Variants in ARHGAP6 observed in about 807,000 individuals in gnomAD.
ARHGAP6 encodes Rho GTPase activating protein 6.
A neutral mutation model predicts 55.7 loss-of-function variants in ARHGAP6; 16 were observed. The ratio of observed to expected loss-of-function variants is 0.29; its 90% CI spans 0.19 to 0.44. The LOEUF (loss-of-function observed/expected upper bound fraction) is 0.44. Ranked by LOEUF, ARHGAP6 falls within the 20% of genes least tolerant of loss-of-function variation. The probability of loss-of-function intolerance (pLI) is 1.00; values close to 1 mark genes in which losing one functional copy is unlikely to be tolerated. For synonymous variants in ARHGAP6, 382 were observed against 360.9 expected, an observed-to-expected ratio of 1.06 and a Z score of -0.66; for missense variants, 698 against 808.9, an observed-to-expected ratio of 0.86 and a Z score of 1.66.
At chrX:11,576,010 T>C (rs1381549395) in intron 1 of ARHGAP6, among the ~76,000 whole-genome samples, 1 of 112,351 alleles carries the variant, frequency 8.9e-6, no homozygotes, top group African/African-American at 3.2e-5. Context: ...AATGCTGCAG[T>C]AAATTATCGT....
chrX:11,575,152 ATG>A (rs1466444089), intron 1 of ARHGAP6, among the ~76,000 whole-genome samples: 20 of 110,939 alleles, frequency 1.8e-4, no homozygotes, highest in Non-Finnish European at 1.5e-4. Context: ...GGCAGGAGTG[ATG>A]TGTGTCACTT....
At chrX:11,337,323 C>T (rs746134821) in intron 1 of ARHGAP6, among the ~76,000 whole-genome samples, 10 of 111,266 alleles carry the variant, frequency 9.0e-5, no homozygotes, top group African/African-American at 3.3e-4. Flanking sequence ...TTATTTGTTT[C>T]CTTATAATGT....
intron 1 of ARHGAP6, chrX:11,427,893 G>A (rs1222852315): frequency 1.7e-6 from 1 of 579,255 alleles, no homozygotes; most frequent in Non-Finnish European, 2.1e-6. Flanking sequence ...CGATGGGCGG[G>A]CGTTTAATTC....
intron 2 of ARHGAP6, among the ~76,000 whole-genome samples, chrX:11,211,481 T>C (rs1000313479): frequency 3.6e-4 from 40 of 111,135 alleles, no homozygotes; most frequent in African/African-American, 8.5e-4. Flanking sequence ...CCGCCCTCCT[T>C]GGCCTCCCAA....
intron 9 of ARHGAP6, among the ~76,000 whole-genome samples, chrX:11,164,594 C>T (rs1055437876): frequency 2.7e-5 from 3 of 111,824 alleles, no homozygotes; most frequent in Non-Finnish European, 5.6e-5. Context: ...GCCTCTGACC[C>T]TTGCTCCCAG....
intron 1 of ARHGAP6, among the ~76,000 whole-genome samples, chrX:11,511,962 G>T (rs1196856082): frequency 1.8e-5 from 2 of 111,071 alleles, no homozygotes; most frequent in African/African-American, 6.6e-5. Flanking sequence ...GAGTAGCTGG[G>T]ACTACAGGTG....
At chrX:11,254,054 C>A (rs1470141667) in intron 2 of ARHGAP6, among the ~76,000 whole-genome samples, 2 of 111,698 alleles carry the variant, frequency 1.8e-5, no homozygotes, top group African/African-American at 6.5e-5. Context: ...TGTGCACTGG[C>A]TCCAGTGCAA....
intron 1 of ARHGAP6, among the ~76,000 whole-genome samples, chrX:11,544,581 G>A (rs1279619559): frequency 8.9e-6 from 1 of 112,221 alleles, no homozygotes; most frequent in Admixed American, 9.4e-5. Flanking sequence ...CTTCATTTAT[G>A]TTTGTTGATG....
At chrX:11,402,870 T>G (rs2049566967) in intron 1 of ARHGAP6, among the ~76,000 whole-genome samples, 1 of 111,552 alleles carries the variant, frequency 9.0e-6, no homozygotes, top group African/African-American at 3.3e-5. Context: ...AAATCCTATT[T>G]ATGTAACTCC....
Position 11,169,534 on chromosome X carries a change from T to C in ARHGAP6, c.1780A>G (p.Met594Val). Residue 594 changes from methionine to valine, a missense_variant, in exon 9 of 13, where the codon ATG becomes GTG. By Grantham distance (21) the Met-to-Val change is conservative. Coordinates refer to ENST00000337414, the MANE Select transcript of ARHGAP6 (RefSeq NM_013427.3). ...STAIIAVVQK[M>V]IENYEALFMV... is the part of the protein sequence containing the mutation. ...AACAGGGCTTCATAATTTTCAATCA[T>C]CTTTTGCACAACAGCGATGATGGCC... 8.3e-7 allele frequency: 1 copy of C among 1,200,888 alleles called. No homozygotes were observed. Among genetic ancestry groups the C allele is most frequent in the Non-Finnish European group, 1.1e-6 (1 of 890,776 alleles).
intron 1 of ARHGAP6, among the ~76,000 whole-genome samples, chrX:11,280,423 A>G (rs2047839695): frequency 8.9e-6 from 1 of 111,836 alleles, no homozygotes. Flanking sequence ...AAGAGGCACT[A>G]GCTCACTAGA....
intron 2 of ARHGAP6, among the ~76,000 whole-genome samples, chrX:11,235,520 A>G (rs1371836395): frequency 1.8e-5 from 2 of 111,279 alleles, no homozygotes; most frequent in Non-Finnish European, 3.8e-5. Flanking sequence ...TACTTATGCA[A>G]ATTTCTGCAG....
intron 8 of ARHGAP6, among the ~76,000 whole-genome samples, chrX:11,174,000 A>T (rs2046131656): frequency 8.9e-6 from 1 of 112,300 alleles, no homozygotes; most frequent in Non-Finnish European, 1.9e-5. Context: ...TACTAAAAAA[A>T]TAGGGAAGAG....
At chrX:11,406,475 C>T (rs1421694075) in intron 1 of ARHGAP6, among the ~76,000 whole-genome samples, 3 of 111,282 alleles carry the variant, frequency 2.7e-5, no homozygotes, top group African/African-American at 9.8e-5. Context: ...GTAAACTATA[C>T]ACACACACAC....
chrX:11,267,707 C>T (rs556964641), intron 1 of ARHGAP6, among the ~76,000 whole-genome samples: 2 of 112,066 alleles, frequency 1.8e-5, no homozygotes, highest in Admixed American at 9.5e-5. Context: ...CAAATAATCC[C>T]GAGAGACAAC....
intron 1 of ARHGAP6, among the ~76,000 whole-genome samples, chrX:11,450,100 G>A (rs1324423329): frequency 9.0e-6 from 1 of 111,557 alleles, no homozygotes; most frequent in Non-Finnish European, 1.9e-5. Flanking sequence ...CTTTAAGGGA[G>A]AGCTTCCCAG....
intron 1 of ARHGAP6, among the ~76,000 whole-genome samples, chrX:11,344,810 T>C (rs1025017125): frequency 4.6e-5 from 5 of 109,889 alleles, no homozygotes; most frequent in Non-Finnish European, 9.5e-5. Flanking sequence ...CGGTAGGTGA[T>C]ACAAAGGTCC....
chrX:11,300,899 T>C (rs753831696), intron 1 of ARHGAP6: 26 of 227,549 alleles, frequency 1.1e-4, no homozygotes, highest in Non-Finnish European at 1.8e-4. Flanking sequence ...ATAAGGAATA[T>C]ATTTCTTTTT....
chrX:11,525,748 T>C (rs769322745), intron 1 of ARHGAP6, among the ~76,000 whole-genome samples: 1 of 112,154 alleles, frequency 8.9e-6, no homozygotes, highest in East Asian at 2.8e-4. Context: ...CACCATGTAC[T>C]GTGTACAAAA....
Sources: allele counts gnomAD v4.1 joint callset (sites outside exome capture counted in the v4.1 genomes callset), GRCh38; gene constraint gnomAD v4.1.1; transcripts MANE v1.5; gene names NCBI Gene and HGNC (gene_info 2026-07-23, HGNC 2026-07-21).